CDV3: variants seen among roughly 807,000 people sequenced by gnomAD.
The protein encoded by CDV3 is protein CDV3 homolog.
A neutral mutation model predicts 24.5 loss-of-function variants in CDV3; 14 were observed. The observed-to-expected ratio is 0.57, with a 90% confidence interval of 0.38 to 0.89. The LOEUF (loss-of-function observed/expected upper bound fraction) is 0.89, where lower values mean the gene tolerates loss of function less well. Among genes scored for constraint, CDV3 ranks in the 40% least tolerant of loss-of-function variants. The pLI is 0.00. For missense variants in CDV3, 304 were observed against 310.2 expected (o/e 0.98, Z 0.15); for synonymous variants, 114 against 114.1 (o/e 1.00, Z 0.00).
At chr3:133,575,569 T>TGTGC (rs2074774202) in intron 2 of CDV3, among the ~76,000 whole-genome samples, 2 of 152,166 alleles carry the variant, frequency 1.3e-5, no homozygotes, top group Non-Finnish European at 2.9e-5. Flanking sequence ...GCAACCAACC[T>TGTGC]GTGCAATAAG....
intron 2 of CDV3, among the ~76,000 whole-genome samples, chr3:133,580,024 G>T (rs1406315734): frequency 2.6e-5 from 4 of 152,096 alleles, no homozygotes; most frequent in African/African-American, 9.7e-5. Flanking sequence ...ACAACGTGCA[G>T]GTTTGTTACA....
intron 2 of CDV3, among the ~76,000 whole-genome samples, chr3:133,578,688 G>A (rs574587761): frequency 6.6e-6 from 1 of 152,192 alleles, no homozygotes; most frequent in Non-Finnish European, 1.5e-5. Context: ...AGCTGATCAG[G>A]CCATGTGTAT....
intron 4 of CDV3, chr3:133,587,349 T>G (rs920609196): frequency 1.6e-6 from 2 of 1,244,954 alleles, no homozygotes; most frequent in Non-Finnish European, 2.0e-6. Context: ...AGAGCACAGC[T>G]GGCTTGAATT....
At chr3:133,587,576 ATTAC>A (rs780487553) in intron 4 of CDV3, 12 of 1,109,956 alleles carry the variant, frequency 1.1e-5, no homozygotes, top group African/African-American at 1.6e-5. Context: ...TGTATTATCT[ATTAC>A]TTGCTAAAAG....
chr3:133,587,426 A>G, intron 4 of CDV3: 2 of 1,175,244 alleles, frequency 1.7e-6, no homozygotes, highest in Non-Finnish European at 2.1e-6. Context: ...TTGGGAGGGC[A>G]GTGATTCACC....
At chr3:133,587,642 G>T in intron 4 of CDV3, 1 of 1,181,964 alleles carries the variant, frequency 8.5e-7, no homozygotes, top group Non-Finnish European at 1.0e-6. Flanking sequence ...TTTTCTTCAA[G>T]TTTGTCCTGA....
At chr3:133,576,160 G>A (rs1211554859) in intron 2 of CDV3, among the ~76,000 whole-genome samples, 4 of 152,206 alleles carry the variant, frequency 2.6e-5, no homozygotes, top group African/African-American at 9.7e-5. Context: ...AGGCATTAAT[G>A]TCCTACTGTG....
chr3:133,584,375 AT>A (rs1462999489), intron 3 of CDV3, among the ~76,000 whole-genome samples: 1 of 152,178 alleles, frequency 6.6e-6, no homozygotes, highest in Non-Finnish European at 1.5e-5. Flanking sequence ...TTGCTGTAAA[AT>A]TTATATAGAT....
chr3:133,586,732 A>G lies in CDV3; in HGVS notation c.626+10A>G, dbSNP rs547179516. On this transcript the variant is annotated intron_variant, in intron 4 of 4. Coordinates refer to ENST00000264993, the MANE Select transcript of CDV3 (RefSeq NM_017548.5). ...ATGTAGAAAGCCGGAAGTAAGTACT[A>G]TAATTAATTGCATTTTGTTTGGGAC... 9.0e-6 allele frequency: 14 copies of G among 1,549,828 alleles called. No individual in the cohort carries two copies. In the African/African-American group the frequency reaches 1.5e-4, roughly 17 times the overall value.
chr3:133,579,153 A>T (rs1169431198), intron 2 of CDV3, among the ~76,000 whole-genome samples: 1 of 152,166 alleles, frequency 6.6e-6, no homozygotes, highest in Non-Finnish European at 1.5e-5. Context: ...GTGAGGTTTA[A>T]CTTTGTACAG....
intron 3 of CDV3, among the ~76,000 whole-genome samples, chr3:133,585,580 C>T (rs534577170): frequency 2.9e-4 from 44 of 151,490 alleles, no homozygotes; most frequent in African/African-American, 1.0e-3. Context: ...CTGCAACCTC[C>T]GCCTCCCGGG....
rs760735101 is a variant in CDV3 at position 133,587,906 on chromosome 3, A to G, written c.637A>G (p.Met213Val). The G allele has an allele frequency of 2.5e-6, 4 of 1,607,286 alleles. No individual in the cohort carries two copies. In the Admixed American group the frequency reaches 5.1e-5, roughly 21 times the overall value. ...TTTCTTTTCCCTTAGGGATAAAGAA[A>G]TGGAGAAGAGCTTTGAAGTAGTAAG... ...KHVESRKDKEMEKSFEVVRHK... is the reference protein window; with the variant it reads ...KHVESRKDKEVEKSFEVVRHK... Residue 213 changes from methionine to valine, a missense_variant, in exon 5 of 5, where the codon ATG becomes GTG. Met to Val is a conservative substitution (Grantham distance 21, BLOSUM62 1). Around this residue, in one of 3 missense-constraint regions of CDV3, gnomAD observed 56 missense variants for 50.9 expected, o/e 1.10. Coordinates refer to ENST00000264993, the MANE Select transcript of CDV3 (RefSeq NM_017548.5).
At chr3:133,577,216 T>A (rs1239165555) in intron 2 of CDV3, among the ~76,000 whole-genome samples, 1 of 152,126 alleles carries the variant, frequency 6.6e-6, no homozygotes, top group Admixed American at 6.6e-5. Context: ...GCCATCCTAG[T>A]AGAGGTATTC....
At chr3:133,579,640 TG>T (rs1026568110) in intron 2 of CDV3, among the ~76,000 whole-genome samples, 10 of 152,138 alleles carry the variant, frequency 6.6e-5, no homozygotes, top group Non-Finnish European at 1.0e-4. Context: ...TTACCCAGGC[TG>T]GGGTGCAATG....
chr3:133,574,971 AGT>A (rs1161706265), intron 1 of CDV3, 66 bp from the exon 2 acceptor site: 2 of 966,450 alleles, frequency 2.1e-6, no homozygotes, highest in African/African-American at 1.6e-5. Context: ...CACTTTTCGT[AGT>A]GTGTTATTTG....
intron 4 of CDV3, chr3:133,587,657 G>T: frequency 8.3e-7 from 1 of 1,202,968 alleles, no homozygotes. Flanking sequence ...TCCTGAAATA[G>T]GGTCACAGTT....
chr3:133,576,557 A>AG (rs60514733), intron 2 of CDV3, among the ~76,000 whole-genome samples: 136,640 of 152,212 alleles, frequency 0.9, 61,389 homozygotes, highest in East Asian at 0.97. Flanking sequence ...ACTTGGCAAA[A>AG]TAGCACTTTT....
At chr3:133,586,439 G>A (rs541828367) in intron 3 of CDV3, 124 bp from the exon 4 acceptor site, 8 of 613,004 alleles carry the variant, frequency 1.3e-5, no homozygotes, top group African/African-American at 9.4e-5. Flanking sequence ...TCCCTTCTGT[G>A]GTCTGACCCA....
intron 2 of CDV3, among the ~76,000 whole-genome samples, 199 bp from the exon 3 acceptor site, chr3:133,583,803 G>A (rs1006113747): frequency 6.6e-5 from 10 of 152,254 alleles, no homozygotes; most frequent in African/African-American, 2.4e-4. Context: ...CTCAGGTGGT[G>A]CACCCATCTT....
Sources: allele counts gnomAD v4.1 joint callset (sites outside exome capture counted in the v4.1 genomes callset), GRCh38; gene constraint gnomAD v4.1.1; regional missense constraint gnomAD v4.1.1; transcripts MANE v1.5; gene names NCBI Gene and HGNC (gene_info 2026-07-23, HGNC 2026-07-21).